Variants in ATP2C1 observed in about 807,000 individuals in gnomAD.
ATP2C1 encodes ATPase secretory pathway Ca2+ transporting 1.
In ATP2C1, 31 loss-of-function variants were observed where a neutral mutation model predicts 120.5. That is an observed-to-expected ratio of 0.26 (90% confidence interval 0.19 to 0.35). The LOEUF is 0.35. ATP2C1 is among the 10% of genes least tolerant of loss of function. The probability of loss-of-function intolerance (pLI) is 1.00; values close to 1 mark genes in which losing one functional copy is unlikely to be tolerated. For missense variants in ATP2C1, 731 were observed against 1,107.5 expected (o/e 0.66, Z 4.83); for synonymous variants, 351 against 358.7 (o/e 0.98, Z 0.24).
Position 130,996,114 on chromosome 3 carries a change from A to G in ATP2C1, c.2126+3A>G, listed in dbSNP as rs758356910. On this transcript the variant is annotated splice_donor_region_variant and intron_variant, in intron 23 of 27. Coordinates refer to ENST00000510168, the MANE Select transcript of ATP2C1 (RefSeq NM_001378687.1). ...TTCGTTAGATTCCAGCTGAGCACGT[A>G]AGTTTGCAAGAAATTTGTCACCATG... The G allele has an allele frequency of 5.6e-6, 9 of 1,605,296 alleles. No individual in the cohort carries two copies. The highest frequency in any genetic ancestry group is 7.7e-6 in the Non-Finnish European group (9 of 1,172,050).
intron 6 of ATP2C1, among the ~76,000 whole-genome samples, chr3:130,938,429 G>A (rs914649473): frequency 6.6e-5 from 10 of 152,178 alleles, no homozygotes; most frequent in African/African-American, 2.4e-4. Context: ...AATAACTATG[G>A]TTGTTCTTAC....
chr3:130,878,430 G>C lies in ATP2C1; in HGVS notation c.108+27502G>C, dbSNP rs144277692. ...CTTTGCAGTTTAATGATTTTCTGTA[G>C]TGATAATGTTTAGTTCCTTTTTCTG... On this transcript the variant is annotated intron_variant, in intron 1 of 26. Coordinates refer to the ATP2C1 transcript ENST00000504381. Among the ~76,000 whole-genome samples, 1,233 of 152,180 alleles carry C rather than the reference G, an allele frequency of 8.1e-3. 27 individuals carry two copies. Among genetic ancestry groups the C allele is most frequent in the African/African-American group, 0.028 (1,178 of 41,512 alleles).
At chr3:130,986,183 G>GA (rs2062003106) in intron 20 of ATP2C1, among the ~76,000 whole-genome samples, 1 of 58,086 alleles carries the variant, frequency 1.7e-5, no homozygotes, top group Non-Finnish European at 3.5e-5. Flanking sequence ...TTTGAATAGG[G>GA]CTTTTTTTTT....
chr3:130,927,272 G>A (rs973750957), intron 2 of ATP2C1, among the ~76,000 whole-genome samples: 8 of 145,070 alleles, frequency 5.5e-5, no homozygotes, highest in African/African-American at 1.5e-4. Flanking sequence ...ACAGAGTCTC[G>A]CTCTGTCGCC....
At chr3:130,852,378 C>G (rs2107683765) in intron 1 of ATP2C1, among the ~76,000 whole-genome samples, 1 of 151,930 alleles carries the variant, frequency 6.6e-6, no homozygotes, top group Non-Finnish European at 1.5e-5. Context: ...AGAGATGTGG[C>G]TATATTGCTT....
intron 2 of ATP2C1, among the ~76,000 whole-genome samples, chr3:130,929,695 T>G (rs1021340876): frequency 1.3e-5 from 2 of 152,198 alleles, no homozygotes; most frequent in Non-Finnish European, 2.9e-5. Flanking sequence ...AAAACAAGTC[T>G]GTGTTGAGGA....
chr3:130,885,694 TC>T (rs1343406485), intron 1 of ATP2C1, among the ~76,000 whole-genome samples: 1 of 152,314 alleles, frequency 6.6e-6, no homozygotes, highest in African/African-American at 2.4e-5. Flanking sequence ...TTGTACTATG[TC>T]TTGAAAAGTT....
At chr3:130,865,020 C>T (rs755284646) in intron 1 of ATP2C1, among the ~76,000 whole-genome samples, 28 of 152,104 alleles carry the variant, frequency 1.8e-4, no homozygotes, top group Non-Finnish European at 3.1e-4. Flanking sequence ...TTGCACCGTG[C>T]TCCTAGAAAA....
Position 130,997,606 on chromosome 3 carries a change from C to T in ATP2C1, c.2244C>T (p.Ser748=). The change falls in exon 25 of 28, where the codon AGC becomes AGT. Residue 748 remains serine (S), a splice_region_variant and synonymous_variant. Coordinates refer to ENST00000510168, the MANE Select transcript of ATP2C1 (RefSeq NM_001378687.1). ...ATTTATTTTTCTGTTTGTTTTTAAG[C>T]CTTGGAGTAGAACCAGTGGATAAAG... ...NIIMDGPPAQ[S]LGVEPVDKDV... is the part of the protein sequence containing the mutation. 1.9e-6 allele frequency: 3 copies of T among 1,612,822 alleles called. No individual in the cohort carries two copies. Among genetic ancestry groups the T allele is most frequent in the Non-Finnish European group, 2.5e-6 (3 of 1,179,478 alleles).
intron 6 of ATP2C1, among the ~76,000 whole-genome samples, chr3:130,938,657 G>A (rs2059771553): frequency 6.6e-6 from 1 of 152,196 alleles, no homozygotes; most frequent in South Asian, 2.1e-4. Context: ...GTCAGGTGGA[G>A]CTGGTTAGTC....
intron 4 of ATP2C1, 28 bp downstream of exon 4, chr3:130,932,166 T>C: frequency 7.5e-7 from 1 of 1,326,672 alleles, no homozygotes; most frequent in Non-Finnish European, 1.1e-6. Context: ...CCTCTTCTAC[T>C]GTGTAATTTA....
At chr3:130,868,079 G>C (rs2068259843) in intron 1 of ATP2C1, 2 of 150,088 alleles carry the variant, frequency 1.3e-5, no homozygotes, top group African/African-American at 2.5e-5. Context: ...GGGAAGTGAG[G>C]AGCGTCTCCG....
intron 1 of ATP2C1, among the ~76,000 whole-genome samples, chr3:130,872,044 C>A (rs933237591): frequency 7.1e-6 from 1 of 141,730 alleles, no homozygotes. Context: ...AAAAAAAAAT[C>A]TTTAAGCAAT....
chr3:131,005,806 A>G (rs1260304885), downstream of ATP2C1, among the ~76,000 whole-genome samples: 2 of 152,254 alleles, frequency 1.3e-5, no homozygotes, highest in African/African-American at 4.8e-5. Context: ...GCAGAAGGAC[A>G]AGATAATATT....
chr3:130,988,528 C>A (rs1421618675), intron 20 of ATP2C1, among the ~76,000 whole-genome samples: 1 of 152,158 alleles, frequency 6.6e-6, no homozygotes, highest in African/African-American at 2.4e-5. Context: ...AAGTACAAGG[C>A]TCACTGCAAC....
Position 131,011,501 on chromosome 3 carries a change from C to T in ATP2C1, c.2630-4651C>T, listed in dbSNP as rs572406230. On this transcript the variant is annotated intron_variant, in intron 26 of 26. Transcript: ENST00000328560. ...CAGGACCTAATCACTTGATTGCAAA[C>T]ATAGGAAACTAGATTTTGGAAAGGG... Among the ~76,000 whole-genome samples, 309 of 152,310 alleles carry T rather than the reference C, an allele frequency of 2.0e-3. 1 individual carries two copies. The highest frequency in any genetic ancestry group is 7.0e-3 in the African/African-American group (289 of 41,572).
intron 11 of ATP2C1, among the ~76,000 whole-genome samples, 167 bp downstream of exon 11, chr3:130,956,346 A>G (rs1435088185): frequency 6.6e-6 from 1 of 152,148 alleles, no homozygotes; most frequent in African/African-American, 2.4e-5. Context: ...CAACAAAGAA[A>G]AAATAGAACT....
intron 1 of ATP2C1, among the ~76,000 whole-genome samples, chr3:130,859,138 A>G (rs987658570): frequency 3.9e-5 from 6 of 152,234 alleles, no homozygotes; most frequent in Non-Finnish European, 7.3e-5. Flanking sequence ...TGAACAATTC[A>G]GATATTTTAG....
intron 2 of ATP2C1, among the ~76,000 whole-genome samples, chr3:130,901,981 A>G (rs2057851263): frequency 6.6e-6 from 1 of 151,978 alleles, no homozygotes; most frequent in Admixed American, 6.6e-5. Flanking sequence ...AATCCGTAAG[A>G]CAGCATCTTC....
Sources: allele counts gnomAD v4.1 joint callset (sites outside exome capture counted in the v4.1 genomes callset), GRCh38; gene constraint gnomAD v4.1.1; transcripts MANE v1.5; gene names NCBI Gene and HGNC (gene_info 2026-07-23, HGNC 2026-07-21).